Variants in EIF4G3 observed in about 807,000 individuals in gnomAD.
EIF4G3 encodes the protein eIF-4-gamma 3.
In EIF4G3, 34 loss-of-function variants were observed where a neutral mutation model predicts 186.4. The observed-to-expected ratio is 0.18, with a 90% CI of 0.14 to 0.24. EIF4G3 has a LOEUF of 0.24. EIF4G3 is among the 10% of genes least tolerant of loss of function. EIF4G3 has a pLI of 1.00. For missense variants in EIF4G3, 1,536 were observed against 1,948.5 expected (o/e 0.79, Z 3.99); for synonymous variants, 673 against 679.5 (o/e 0.99, Z 0.15).
At chr1:21,148,266 TTGCTA>T (rs1026662120) in intron 2 of EIF4G3, among the ~76,000 whole-genome samples, 17 of 152,138 alleles carry the variant, frequency 1.1e-4, no homozygotes, top group Admixed American at 1.1e-3. Flanking sequence ...AGACAAGGTC[TTGCTA>T]TGTTGCCCAG....
chr1:21,108,119 C>A lies in EIF4G3; in HGVS notation c.-271-18906G>T, dbSNP rs1284045351. ...TGAGATCACACCACTGCACTCCAGC[C>A]TGGGCACTCTAACCACTGCACATAG... On this transcript the variant is annotated intron_variant, in intron 2 of 36. Transcript: ENST00000602326. 2.0e-5 allele frequency among the ~76,000 whole-genome samples: 3 copies of A among 152,196 alleles called. No individual in the cohort carries two copies. In the East Asian group the frequency reaches 5.8e-4, roughly 29 times the overall value.
rs560233625 is a variant in EIF4G3, at chr1:20,928,579, T to C, written c.1663+12912A>G. ...CACCATGCCTGGCTATTTTTTTCTA[T>C]TTTTAGTAGAGACAGGTTTCACCAT... On this transcript the variant is annotated intron_variant, in intron 14 of 36. Coordinates refer to ENST00000602326, the MANE Select transcript of EIF4G3 (RefSeq NM_001391906.1). 5.9e-5 allele frequency among the ~76,000 whole-genome samples: 9 copies of C among 152,248 alleles called. No homozygotes were observed. In the East Asian group the frequency reaches 1.7e-3, roughly 29 times the overall value.
intron 2 of EIF4G3, among the ~76,000 whole-genome samples, chr1:21,118,920 C>G (rs997398299): frequency 2.9e-5 from 3 of 103,734 alleles, no homozygotes; most frequent in African/African-American, 1.1e-4. Context: ...ATACTGAGAA[C>G]CAAGCTCTAT....
At chr1:20,983,286 CAG>C (rs1553384603) in intron 7 of EIF4G3, among the ~76,000 whole-genome samples, 4 of 152,034 alleles carry the variant, frequency 2.6e-5, no homozygotes, top group Non-Finnish European at 5.9e-5. Context: ...GGGCAGGCCA[CAG>C]AGAGTAGGTG....
intron 2 of EIF4G3, among the ~76,000 whole-genome samples, chr1:21,132,747 C>G (rs963825149): frequency 6.6e-6 from 1 of 151,592 alleles, no homozygotes; most frequent in Admixed American, 6.6e-5. Flanking sequence ...GCTTTCATAG[C>G]TTTTAAAACT....
intron 8 of EIF4G3, among the ~76,000 whole-genome samples, chr1:20,981,625 CATGTAT>C (rs2078140760): frequency 8.4e-6 from 1 of 118,896 alleles, no homozygotes; most frequent in Non-Finnish European, 1.8e-5. Context: ...TGTATACATA[CATGTAT>C]ACGCACATAC....
intron 15 of EIF4G3, 47 bp downstream of exon 15, chr1:20,904,836 T>C (rs1316196788): frequency 1.4e-6 from 2 of 1,462,194 alleles, no homozygotes; most frequent in East Asian, 2.3e-5. Flanking sequence ...TACCTGTCTA[T>C]GAAATGGCAC....
chr1:21,015,371 A>G (rs1434902936), intron 4 of EIF4G3, among the ~76,000 whole-genome samples: 2 of 152,126 alleles, frequency 1.3e-5, no homozygotes, highest in African/African-American at 2.4e-5. Context: ...ATAATGGGGG[A>G]AAACTTCCCA....
chr1:20,969,673 A>G, intron 11 of EIF4G3, 77 bp from the exon 12 acceptor site: 1 of 1,433,944 alleles, frequency 7.0e-7, no homozygotes, highest in Non-Finnish European at 9.6e-7. Flanking sequence ...AGTGAGTTAA[A>G]GGTGCAAACT....
intron 14 of EIF4G3, among the ~76,000 whole-genome samples, chr1:20,921,054 G>T (rs932185888): frequency 6.6e-6 from 1 of 151,914 alleles, no homozygotes; most frequent in Non-Finnish European, 1.5e-5. Flanking sequence ...TTATATTTGG[G>T]TGTGTTTGAA....
chr1:21,058,554 TCTCA>T (rs1333996839), intron 3 of EIF4G3, among the ~76,000 whole-genome samples: 1 of 151,560 alleles, frequency 6.6e-6, no homozygotes. Context: ...TGAAATCGGG[TCTCA>T]CTGTGTTGCC....
intron 31 of EIF4G3, among the ~76,000 whole-genome samples, 181 bp from the exon 32 acceptor site, chr1:20,827,879 A>C (rs1177980597): frequency 2.0e-5 from 3 of 151,720 alleles, no homozygotes; most frequent in African/African-American, 7.3e-5. Flanking sequence ...GGTACATGTG[A>C]GTTCTTGGTT....
chr1:20,952,647 G>C (rs191258318), intron 12 of EIF4G3, among the ~76,000 whole-genome samples: 84 of 152,200 alleles, frequency 5.5e-4, no homozygotes, highest in Non-Finnish European at 8.8e-5. Context: ...TCAAGAGTTC[G>C]AGATCAGCCT....
chr1:20,811,438 G>T (rs1350267812), intron 35 of EIF4G3, among the ~76,000 whole-genome samples: 4 of 152,166 alleles, frequency 2.6e-5, no homozygotes, highest in Non-Finnish European at 5.9e-5. Context: ...TGAGTACAAA[G>T]GACCCATATG....
At chr1:21,112,450 T>C (rs2096742210) in intron 2 of EIF4G3, among the ~76,000 whole-genome samples, 1 of 152,162 alleles carries the variant, frequency 6.6e-6, no homozygotes, top group African/African-American at 2.4e-5. Context: ...GGTTATAACA[T>C]TAACAGGAAG....
intron 12 of EIF4G3, 145 bp downstream of exon 12, chr1:20,969,327 ATG>A (rs1395846157): frequency 1.2e-6 from 1 of 833,524 alleles, no homozygotes; most frequent in Non-Finnish European, 1.8e-6. Flanking sequence ...GAGAAAAAAC[ATG>A]TCTGTTTAAA....
At chr1:21,110,822 G>A (rs559104793) in intron 2 of EIF4G3, among the ~76,000 whole-genome samples, 5 of 151,960 alleles carry the variant, frequency 3.3e-5, no homozygotes, top group South Asian at 2.1e-4. Context: ...CCACCTCAGC[G>A]TCCCAAAGTG....
rs1331133915 is a variant in EIF4G3 at position 21,004,987 on chromosome 1, A to G, written c.-66-2179T>C. The stretch of plus-strand genomic sequence containing the variant: ...GCCACTAACCTAAAAATATGGCAGC[A>G]AAGTATCTCATGTCTATCAAATAAT... On this transcript the variant is annotated intron_variant, in intron 4 of 36. Transcript: ENST00000602326. Among the ~76,000 whole-genome samples, 4 of 152,276 alleles carry G rather than the reference A, an allele frequency of 2.6e-5. No individual in the cohort carries two copies. In the East Asian group the frequency reaches 5.8e-4, roughly 22 times the overall value.
At chr1:21,103,531 A>G (rs1021071230) in intron 2 of EIF4G3, among the ~76,000 whole-genome samples, 4 of 152,174 alleles carry the variant, frequency 2.6e-5, no homozygotes, top group Admixed American at 1.3e-4. Flanking sequence ...GAAGAATGAA[A>G]GAGGAAAAAT....
Sources: allele counts gnomAD v4.1 joint callset (sites outside exome capture counted in the v4.1 genomes callset), GRCh38; gene constraint gnomAD v4.1.1; transcripts MANE v1.5; gene names NCBI Gene and HGNC (gene_info 2026-07-23, HGNC 2026-07-21).